CCNY: variants seen among roughly 807,000 people sequenced by gnomAD.
CCNY encodes cyclin Y.
A neutral mutation model predicts 42.8 loss-of-function variants in CCNY; 19 were observed. The ratio of observed to expected loss-of-function variants is 0.44; its 90% CI spans 0.31 to 0.65. The LOEUF (loss-of-function observed/expected upper bound fraction) is 0.65. Among genes scored for constraint, CCNY ranks in the 30% least tolerant of loss-of-function variants. The probability of loss-of-function intolerance (pLI) is 0.07; values close to 1 mark genes in which losing one functional copy is unlikely to be tolerated. For missense variants in CCNY, 370 were observed against 437.3 expected, an observed-to-expected ratio of 0.85 and a Z score of 1.37; for synonymous variants, 165 against 162.7, an observed-to-expected ratio of 1.01 and a Z score of -0.11.
intron 1 of CCNY, among the ~76,000 whole-genome samples, chr10:35,461,479 G>C (rs940615909): frequency 6.6e-6 from 1 of 152,146 alleles, no homozygotes; most frequent in Non-Finnish European, 1.5e-5. Context: ...CAAGGACAAG[G>C]AGCTTGATTA....
At chr10:35,490,382 A>AT (rs1839872137) in intron 2 of CCNY, among the ~76,000 whole-genome samples, 1 of 152,130 alleles carries the variant, frequency 6.6e-6, no homozygotes, top group African/African-American at 2.4e-5. Flanking sequence ...AAAAAGTCTG[A>AT]TTTTATTTTT....
At chr10:35,307,355 C>T (rs1027918900) in intron 3 of CCNY, among the ~76,000 whole-genome samples, 2 of 152,198 alleles carry the variant, frequency 1.3e-5, no homozygotes, top group Non-Finnish European at 2.9e-5. Context: ...TGTGGCGGCT[C>T]ACGCGCATAA....
At chr10:35,481,313 A>C (rs2135363988) in intron 1 of CCNY, among the ~76,000 whole-genome samples, 1 of 152,312 alleles carries the variant, frequency 6.6e-6, no homozygotes, top group South Asian at 2.1e-4. Flanking sequence ...AGGGCTTGTG[A>C]ACATAACAGC....
intron 1 of CCNY, among the ~76,000 whole-genome samples, chr10:35,408,718 A>T (rs1837838514): frequency 6.6e-6 from 1 of 152,176 alleles, no homozygotes; most frequent in African/African-American, 2.4e-5. Context: ...GTCACTGGGA[A>T]TATGATGGCT....
intron 1 of CCNY, among the ~76,000 whole-genome samples, chr10:35,474,403 CA>C (rs1362204455): frequency 1.3e-5 from 2 of 152,216 alleles, no homozygotes; most frequent in Admixed American, 6.5e-5. Flanking sequence ...CCCTGTCTGA[CA>C]GCTTTGAAGA....
At chr10:35,258,549 A>G (rs1291078821) in intron 3 of CCNY, among the ~76,000 whole-genome samples, 2 of 152,206 alleles carry the variant, frequency 1.3e-5, no homozygotes, top group African/African-American at 4.8e-5. Context: ...TGTAATCAAA[A>G]GCAGCAACCA....
chr10:35,494,031 G>C (rs1839954714), intron 2 of CCNY, among the ~76,000 whole-genome samples: 1 of 152,108 alleles, frequency 6.6e-6, no homozygotes, highest in Admixed American at 6.5e-5. Context: ...AAGAGTAGAG[G>C]GTGGCTTCTG....
chr10:35,348,170 A>G (rs1351874501), intron 1 of CCNY, among the ~76,000 whole-genome samples: 1 of 152,224 alleles, frequency 6.6e-6, no homozygotes, highest in Non-Finnish European at 1.5e-5. Flanking sequence ...ATTGTGTTCT[A>G]TATTCTGAAA....
At chr10:35,484,592 AT>A (rs1021465012) in intron 2 of CCNY, among the ~76,000 whole-genome samples, 1 of 151,872 alleles carries the variant, frequency 6.6e-6, no homozygotes, top group Non-Finnish European at 1.5e-5. Flanking sequence ...CAAAAGAAAC[AT>A]TTTTTTCCTC....
intron 1 of CCNY, among the ~76,000 whole-genome samples, chr10:35,445,580 G>T (rs750146405): frequency 2.0e-5 from 3 of 152,256 alleles, no homozygotes; most frequent in South Asian, 4.1e-4. Flanking sequence ...TTAATTGAGG[G>T]AGGGAGACAG....
intron 1 of CCNY, among the ~76,000 whole-genome samples, chr10:35,430,130 G>A (rs1276175932): frequency 6.6e-6 from 1 of 151,790 alleles, no homozygotes; most frequent in Non-Finnish European, 1.5e-5. Context: ...GAGGTCAGGA[G>A]ATCGAGACCA....
At chr10:35,520,500 TG>T (rs1199787299) in intron 4 of CCNY, among the ~76,000 whole-genome samples, 2 of 152,212 alleles carry the variant, frequency 1.3e-5, no homozygotes, top group African/African-American at 4.8e-5. Flanking sequence ...TGAGCATTTA[TG>T]GGCCAGAGTT....
upstream of CCNY, among the ~76,000 whole-genome samples, chr10:35,335,633 C>G (rs1311709989): frequency 1.3e-5 from 2 of 152,052 alleles, no homozygotes; most frequent in Admixed American, 1.3e-4. Context: ...CGGGAGGATT[C>G]CTTGAAGACA....
chr10:35,448,608 A>G (rs1274218020), intron 1 of CCNY, among the ~76,000 whole-genome samples: 1 of 152,064 alleles, frequency 6.6e-6, no homozygotes, highest in Non-Finnish European at 1.5e-5. Flanking sequence ...CATCCTTCAG[A>G]TACCTGAAGG....
chr10:35,303,609 C>T (rs1016931151), intron 3 of CCNY, among the ~76,000 whole-genome samples: 1 of 150,636 alleles, frequency 6.6e-6, no homozygotes, highest in Non-Finnish European at 1.5e-5. Flanking sequence ...GAAACCCCAT[C>T]TCTACTAAAA....
At chr10:35,532,004 C>G (rs550087206) in intron 7 of CCNY, among the ~76,000 whole-genome samples, 1 of 152,352 alleles carries the variant, frequency 6.6e-6, no homozygotes, top group Non-Finnish European at 1.5e-5. Flanking sequence ...CTATTGAAAT[C>G]TTCATTTGTC....
chr10:35,494,918 T>C (rs1839977217), intron 2 of CCNY, among the ~76,000 whole-genome samples: 1 of 152,156 alleles, frequency 6.6e-6, no homozygotes, highest in Admixed American at 6.5e-5. Flanking sequence ...ATTAAACAGG[T>C]TGGGCCTCTC....
chr10:35,537,024 A>G (rs931419583), intron 7 of CCNY, among the ~76,000 whole-genome samples: 3 of 152,164 alleles, frequency 2.0e-5, no homozygotes, highest in African/African-American at 7.2e-5. Flanking sequence ...GTCTAGGAGA[A>G]AAGCGTTTTG....
chr10:35,458,722 G>A (rs1422636216), intron 1 of CCNY, among the ~76,000 whole-genome samples: 3 of 152,148 alleles, frequency 2.0e-5, no homozygotes, highest in Admixed American at 6.5e-5. Flanking sequence ...GAGGGTGTGA[G>A]CCAAGCCCGT....
Sources: allele counts gnomAD v4.1 joint callset (sites outside exome capture counted in the v4.1 genomes callset), GRCh38; gene constraint gnomAD v4.1.1; transcripts MANE v1.5; gene names NCBI Gene and HGNC (gene_info 2026-07-23, HGNC 2026-07-21).